DPYSL3: variants seen among roughly 807,000 people sequenced by gnomAD.
The protein encoded by DPYSL3 is dihydropyrimidinase-related protein 3.
A neutral mutation model predicts 66.1 loss-of-function variants in DPYSL3; 16 were observed. The ratio of observed to expected loss-of-function variants is 0.24; its 90% confidence interval spans 0.16 to 0.37. The LOEUF is 0.37. Ranked by LOEUF, DPYSL3 falls within the 10% of genes least tolerant of loss-of-function variation. The pLI is 1.00. For synonymous variants in DPYSL3, 338 were observed against 345.1 expected (o/e 0.98, Z 0.23); for missense variants, 738 against 916.2 (o/e 0.81, Z 2.51).
chr5:147,485,673 T>C (rs531225547), intron 1 of DPYSL3, among the ~76,000 whole-genome samples: 10 of 152,208 alleles, frequency 6.6e-5, no homozygotes, highest in African/African-American at 2.4e-4. Context: ...GAGAAGTAAG[T>C]GGTAGGCCCT....
intron 8 of DPYSL3, among the ~76,000 whole-genome samples, chr5:147,404,176 T>A (rs887654376): frequency 6.6e-6 from 1 of 152,168 alleles, no homozygotes; most frequent in Non-Finnish European, 1.5e-5. Context: ...GCTTTCCTGG[T>A]TCTCGCCCAA....
chr5:147,468,811 G>A (rs1159340972), intron 1 of DPYSL3, among the ~76,000 whole-genome samples: 1 of 152,068 alleles, frequency 6.6e-6, no homozygotes, highest in Non-Finnish European at 1.5e-5. Context: ...TGCCATGTTG[G>A]TGTGCTGCAC....
intron 6 of DPYSL3, among the ~76,000 whole-genome samples, chr5:147,409,902 T>C (rs769556508): frequency 1.3e-5 from 2 of 152,216 alleles, no homozygotes; most frequent in Middle Eastern, 3.2e-3. Flanking sequence ...TTCTGTTTTT[T>C]GTTTTTAGTA....
In DPYSL3 at chr5:147,504,890, T is replaced by C. The variant is rs78383508; in HGVS notation, c.381+4588A>G. Among the ~76,000 whole-genome samples the C allele has an allele frequency of 9.0e-4, 137 of 152,360 alleles. 2 individuals are homozygous for C. The East Asian group carries it at 0.025, about 28-fold the overall frequency. On this transcript the variant is annotated intron_variant, in intron 1 of 13. Transcript: ENST00000343218. ...TTGCTGGATGACAGAGTCCTTATGA[T>C]ATAATTTGCTCTTGGCAGGCCATAT...
intron 1 of DPYSL3, among the ~76,000 whole-genome samples, chr5:147,496,824 T>C: frequency 6.6e-6 from 1 of 151,760 alleles, no homozygotes; most frequent in Non-Finnish European, 1.5e-5. Context: ...AGTTCAACCA[T>C]TGTGGAAGTC....
intron 1 of DPYSL3, among the ~76,000 whole-genome samples, chr5:147,479,289 C>A (rs567104847): frequency 2.0e-5 from 3 of 152,286 alleles, no homozygotes; most frequent in East Asian, 1.9e-4. Context: ...GGGATTTAAA[C>A]CCTGGTTGTG....
intron 1 of DPYSL3, among the ~76,000 whole-genome samples, chr5:147,505,105 G>A (rs147595994): frequency 5.6e-3 from 857 of 152,244 alleles, no homozygotes; most frequent in Non-Finnish European, 9.0e-3. Context: ...CATGAATGCC[G>A]AGGATTTTAG....
At chr5:147,421,607 C>A (rs551628906) in intron 2 of DPYSL3, among the ~76,000 whole-genome samples, 1 of 152,280 alleles carries the variant, frequency 6.6e-6, no homozygotes, top group South Asian at 2.1e-4. Context: ...TGACTTCAAA[C>A]TACACTATAA....
rs546915469 is a variant in DPYSL3 at position 147,470,595 on chromosome 5, C to T, written c.381+38883G>A. On this transcript the variant is annotated intron_variant, in intron 1 of 13. Transcript: ENST00000343218. Reference sequence around the variant, plus strand: ...AGACTAAAACTCAAGATTCTTGATACGATGTTTGACACTCTCCACACTTGA... The same window carrying T: ...AGACTAAAACTCAAGATTCTTGATATGATGTTTGACACTCTCCACACTTGA... Among the ~76,000 whole-genome samples, 5 of 152,186 alleles carry T rather than the reference C, an allele frequency of 3.3e-5. No individual in the cohort carries two copies. The East Asian group carries it at 5.8e-4, about 18-fold the overall frequency.
chr5:147,414,139 T>G lies in DPYSL3; in HGVS notation c.821-482A>C, dbSNP rs144893125. On this transcript the variant is annotated intron_variant, in intron 4 of 13. Transcript: ENST00000343218. ...ACAATACCCTACTTCATAAAGTGGT[T>G]GTGAATATTAAAGGAGAGAATACAT... Among the ~76,000 whole-genome samples, 564 of 152,268 alleles carry G rather than the reference T, an allele frequency of 3.7e-3. 3 individuals carry two copies. The highest frequency in any genetic ancestry group is 0.012 in the African/African-American group (492 of 41,562).
At chr5:147,473,515 A>C (rs529668787) in intron 1 of DPYSL3, among the ~76,000 whole-genome samples, 1 of 152,310 alleles carries the variant, frequency 6.6e-6, no homozygotes, top group South Asian at 2.1e-4. Flanking sequence ...AGATTAATCC[A>C]CAGGTGAATA....
chr5:147,491,222 A>G (rs941529499), intron 1 of DPYSL3, among the ~76,000 whole-genome samples: 1 of 152,194 alleles, frequency 6.6e-6, no homozygotes, highest in Non-Finnish European at 1.5e-5. Context: ...AATACTGAGA[A>G]GCACTTGAAA....
chr5:147,456,581 A>ATTTTTTT (rs985633099), intron 1 of DPYSL3, among the ~76,000 whole-genome samples: 1 of 80,320 alleles, frequency 1.2e-5, no homozygotes. Context: ...TACTGATTCT[A>ATTTTTTT]TTTTTTTTTT....
chr5:147,470,198 C>T (rs1012168138), intron 1 of DPYSL3, among the ~76,000 whole-genome samples: 44 of 152,198 alleles, frequency 2.9e-4, no homozygotes, highest in African/African-American at 1.1e-3. Context: ...ATTCTGCCTC[C>T]ATCTCCTTCC....
At chr5:147,485,046 G>A (rs560009023) in intron 1 of DPYSL3, among the ~76,000 whole-genome samples, 1 of 152,108 alleles carries the variant, frequency 6.6e-6, no homozygotes, top group Non-Finnish European at 1.5e-5. Flanking sequence ...TTTCAACTAT[G>A]TTTTGAGGTT....
intron 1 of DPYSL3, among the ~76,000 whole-genome samples, chr5:147,483,246 T>G (rs970842916): frequency 6.6e-6 from 1 of 152,254 alleles, no homozygotes; most frequent in African/African-American, 2.4e-5. Flanking sequence ...TTCCGAGCTT[T>G]CAGCGAATGC....
At chr5:147,494,122 G>A (rs1034420457) in intron 1 of DPYSL3, among the ~76,000 whole-genome samples, 1 of 152,126 alleles carries the variant, frequency 6.6e-6, no homozygotes, top group Non-Finnish European at 1.5e-5. Context: ...GAACCCAGGA[G>A]GCGGAGGTGT....
intron 1 of DPYSL3, among the ~76,000 whole-genome samples, chr5:147,494,361 T>C (rs1753464528): frequency 6.6e-6 from 1 of 152,046 alleles, no homozygotes; most frequent in African/African-American, 2.4e-5. Flanking sequence ...TCTTTTTAAA[T>C]GATAGATAAA....
intron 1 of DPYSL3, among the ~76,000 whole-genome samples, chr5:147,496,058 C>T (rs538898925): frequency 4.6e-5 from 7 of 152,164 alleles, no homozygotes; most frequent in South Asian, 2.1e-4. Flanking sequence ...GAGATATAGA[C>T]CAATGGAACA....
Sources: allele counts gnomAD v4.1 joint callset (sites outside exome capture counted in the v4.1 genomes callset), GRCh38; gene constraint gnomAD v4.1.1; transcripts MANE v1.5; gene names NCBI Gene and HGNC (gene_info 2026-07-23, HGNC 2026-07-21).